Variants in RFESD observed in about 807,000 individuals in gnomAD.
RFESD encodes the protein Rieske Fe-S domain containing, also known as Rieske domain-containing protein.
RFESD carries 16 observed loss-of-function variants against 24.4 expected under a neutral mutation model. The ratio of observed to expected loss-of-function variants is 0.66; its 90% CI spans 0.44 to 1.00. RFESD has a LOEUF of 1.00. Among genes scored for constraint, RFESD ranks in the 50% least tolerant of loss-of-function variants. RFESD has a pLI of 0.00. For synonymous variants in RFESD, 59 were observed against 81.8 expected, an observed-to-expected ratio of 0.72 and a Z score of 1.50; for missense variants, 208 against 247.0, an observed-to-expected ratio of 0.84 and a Z score of 1.06.
chr5:95,655,836 G>A, intron 5 of RFESD: 2 of 502,200 alleles, frequency 4.0e-6, no homozygotes, highest in South Asian at 6.8e-5. Context: ...TCTTCTGATA[G>A]AGCTCTAACT....
At chr5:95,646,852 GGCGGGACCAGC>G (rs1182372416) in intron 1 of RFESD, 35 bp downstream of exon 1, 1 of 152,580 alleles carries the variant, frequency 6.6e-6, no homozygotes, top group Non-Finnish European at 1.5e-5. Context: ...GGGGCGGGCT[GGCGGGACCAGC>G]TGCTTCCGGC....
intron 1 of RFESD, among the ~76,000 whole-genome samples, chr5:95,651,097 CAAAAAA>C (rs1006612798): frequency 6.2e-5 from 3 of 48,370 alleles, no homozygotes; most frequent in Non-Finnish European, 8.6e-5. Context: ...GACTCCGTCT[CAAAAAA>C]AAAAAAAAAA....
intron 2 of RFESD, chr5:95,652,906 G>C (rs1750442127): frequency 3.3e-6 from 2 of 601,800 alleles, no homozygotes; most frequent in South Asian, 2.6e-5. Flanking sequence ...CACAGAGCCG[G>C]GAGCATTCTT....
rs989001159 is a variant in RFESD, at chr5:95,656,235, T to C, written c.559T>C (p.Ser187Pro). The change falls in exon 6 of 6, where the codon TCT becomes CCT. Residue 187 changes from serine to proline, a missense_variant. Transcript: ENST00000380005. The part of the protein sequence containing the change: ...VDNGNIYVTL[S>P]NEPFKCDSDF... ...CAACGGAAATATTTATGTGACTCTT[T>C]CTAATGAACCTTTTAAGTGTGACTC... The C allele has an allele frequency of 6.2e-7, 1 of 1,613,688 alleles. No homozygotes were observed. Among genetic ancestry groups the C allele is most frequent in the East Asian group, 2.2e-5 (1 of 44,878 alleles).
chr5:95,649,237 T>A (rs1037051740), intron 1 of RFESD, among the ~76,000 whole-genome samples: 1 of 152,240 alleles, frequency 6.6e-6, no homozygotes, highest in African/African-American at 2.4e-5. Context: ...ATGAATAATA[T>A]ACTGTTTGGT....
Position 95,652,168 on chromosome 5 carries a change from T to C in RFESD, c.-104T>C. 1 of 1,407,848 alleles carries C rather than the reference T, an allele frequency of 7.1e-7. No homozygotes were observed. Among genetic ancestry groups the C allele is most frequent in the Non-Finnish European group, 9.4e-7 (1 of 1,058,544 alleles). The allele number at this position is 1,407,848 out of a possible 1,614,324, so 87.2% of individuals were successfully genotyped here. A position where few individuals can be genotyped will look rare whatever the true frequency, so the allele number is the denominator to read the frequency against. On this transcript the variant is annotated 5_prime_UTR_variant, in exon 2 of 6. Coordinates refer to ENST00000380005, the MANE Select transcript of RFESD (RefSeq NM_001131066.2). ...ACCTATTTGCAATTCAAGGAGAATA[T>C]AAGACAGAGAAGAAAGCTGTGAATG...
rs185907209 is a variant in RFESD at position 95,653,904 on chromosome 5, A to G, written c.159-157A>G. ...CAGAGTGAGACTCTGTCTCAAAATA[A>G]TAATAATCTAGTATTTATAAATGTT... On this transcript the variant is annotated intron_variant, in intron 3 of 5. Transcript: ENST00000380005. Among the ~76,000 whole-genome samples, 16 of 152,292 alleles carry G rather than the reference A, an allele frequency of 1.1e-4. No individual in the cohort carries two copies. In the East Asian group the frequency reaches 1.7e-3, roughly 17 times the overall value.
In RFESD at chr5:95,657,604, T is replaced by TA; in HGVS notation, c.*1296dup. The TA allele has an allele frequency of 6.6e-6, 1 of 152,232 alleles. No individual in the cohort carries two copies. Among genetic ancestry groups the TA allele is most frequent in the East Asian group, 1.9e-4 (1 of 5,180 alleles). The allele number at this position is 152,232 out of a possible 1,614,324, so 9.4% of individuals were successfully genotyped here. On this transcript the variant is annotated 3_prime_UTR_variant, in exon 6 of 6. Coordinates refer to ENST00000380005, the MANE Select transcript of RFESD (RefSeq NM_001131066.2). Reference sequence around the variant, plus strand: ...GACCTGGACTCTTTCTCTTGGTTATTATAAAAATAGTAAATGAGTAAGGTC... The same window carrying TA: ...GACCTGGACTCTTTCTCTTGGTTATTAATAAAAATAGTAAATGAGTAAGGTC...
chr5:95,649,121 A>C (rs1450630240), intron 1 of RFESD, among the ~76,000 whole-genome samples: 1 of 141,218 alleles, frequency 7.1e-6, no homozygotes, highest in African/African-American at 2.5e-5. Context: ...AATCTTGAAA[A>C]GAATAATTTT....
intron 1 of RFESD, among the ~76,000 whole-genome samples, chr5:95,651,027 G>C (rs759411806): frequency 6.6e-6 from 1 of 151,362 alleles, no homozygotes; most frequent in Non-Finnish European, 1.5e-5. Context: ...GAACCCAGGA[G>C]GTGGAGCTTG....
chr5:95,647,324 A>C (rs1750147104), intron 1 of RFESD: 1 of 152,228 alleles, frequency 6.6e-6, no homozygotes, highest in South Asian at 2.1e-4. Flanking sequence ...GTGCCAGCTA[A>C]CGCGCTGTGA....
intron 2 of RFESD, 144 bp downstream of exon 2, chr5:95,652,475 T>A (rs975522776): frequency 9.9e-7 from 1 of 1,011,362 alleles, no homozygotes; most frequent in Non-Finnish European, 1.3e-6. Flanking sequence ...ATGTGTAAAA[T>A]ATATATAGCT....
chr5:95,653,055 T>C, intron 2 of RFESD, 62 bp from the exon 3 acceptor site: 11 of 1,544,816 alleles, frequency 7.1e-6, no homozygotes, highest in Non-Finnish European at 9.6e-6. Flanking sequence ...GTTCCAGTCT[T>C]CTGGAACACA....
Position 95,656,294 on chromosome 5 carries a change from T to TA in RFESD, c.620dup (p.Ser208GlufsTer9). 6.2e-7 allele frequency: 1 copy of TA among 1,608,828 alleles called. No individual in the cohort carries two copies. Among genetic ancestry groups the TA allele is most frequent in the Non-Finnish European group, 8.5e-7 (1 of 1,176,588 alleles). ...ATGCCACTGGAGACTTCAAAGTAAT[T>TA]AAGAGTTCTTCCTGATAAAAAATAT... On this transcript the variant is annotated frameshift_variant, in exon 6 of 6. Transcript: ENST00000380005. LOFTEE classifies it high-confidence loss of function.
rs1055474381 is a variant in RFESD at position 95,652,228 on chromosome 5, A to G, written c.-44A>G. 3.6e-5 allele frequency: 55 copies of G among 1,539,098 alleles called. No homozygotes were observed. The highest frequency in any genetic ancestry group is 4.8e-5 in the Non-Finnish European group (55 of 1,139,110). ...TGATTAGCAATAGATTGGACACTCT[A>G]CTGATCTTGCCTCTCTACAACCTCT... On this transcript the variant is annotated 5_prime_UTR_variant, in exon 2 of 6. Coordinates refer to ENST00000380005, the MANE Select transcript of RFESD (RefSeq NM_001131066.2).
At chr5:95,649,688 A>T (rs1266431028) in intron 1 of RFESD, among the ~76,000 whole-genome samples, 1 of 152,188 alleles carries the variant, frequency 6.6e-6, no homozygotes, top group Non-Finnish European at 1.5e-5. Flanking sequence ...GCGTTTTCCT[A>T]CTAATGAGAT....
intron 3 of RFESD, 30 bp downstream of exon 3, chr5:95,653,244 C>T (rs1336177360): frequency 6.4e-7 from 1 of 1,551,022 alleles, no homozygotes; most frequent in Admixed American, 2.0e-5. Context: ...TCATTCATAC[C>T]CACCTTCTCT....
intron 1 of RFESD, among the ~76,000 whole-genome samples, chr5:95,650,321 T>C (rs1750255696): frequency 6.6e-6 from 1 of 152,220 alleles, no homozygotes; most frequent in Non-Finnish European, 1.5e-5. Flanking sequence ...TAATGCCTTC[T>C]TTTATACATT....
intron 1 of RFESD, among the ~76,000 whole-genome samples, chr5:95,648,892 CTTTTTTTTTTTT>C (rs35016122): frequency 4.1e-5 from 3 of 72,426 alleles, no homozygotes; most frequent in African/African-American, 1.0e-4. Flanking sequence ...GATAGTAGTG[CTTTTTTTTTTTT>C]TTTTTTTTTT....
Sources: allele counts gnomAD v4.1 joint callset (sites outside exome capture counted in the v4.1 genomes callset), GRCh38; gene constraint gnomAD v4.1.1; transcripts MANE v1.5; gene names NCBI Gene and HGNC (gene_info 2026-07-23, HGNC 2026-07-21).